Variants in ADARB1 observed in about 807,000 individuals in gnomAD.
ADARB1 encodes double-stranded RNA-specific editase 1.
A neutral mutation model predicts 52.4 loss-of-function variants in ADARB1; 10 were observed. The ratio of observed to expected loss-of-function variants is 0.19; its 90% CI spans 0.12 to 0.32. The LOEUF (loss-of-function observed/expected upper bound fraction) is 0.32. Among genes scored for constraint, ADARB1 ranks in the 10% least tolerant of loss-of-function variants. ADARB1 has a pLI of 1.00. For missense variants in ADARB1, 643 were observed against 922.3 expected, an observed-to-expected ratio of 0.70 and a Z score of 3.92; for synonymous variants, 349 against 371.1, an observed-to-expected ratio of 0.94 and a Z score of 0.68.
chr21:45,220,936 T>G lies in ADARB1; in HGVS notation c.1848T>G (p.Thr616=). ...DSAIEVINAT[T]GKDELGRASR... ...CTATTGAGGTCATCAACGCCACGAC[T>G]GGGAAGGATGAGCTGGGCCGCGCGT... Residue 616 remains threonine, a synonymous_variant, in exon 10 of 11, where the codon ACT becomes ACG. Coordinates refer to ENST00000348831, the MANE Select transcript of ADARB1 (RefSeq NM_001112.4). This position sits in a 1 kb window ranked among gnomAD's most constrained non-coding sequence, Gnocchi z 6.3. 6.2e-7 allele frequency: 1 copy of G among 1,613,422 alleles called. No homozygotes were observed. The highest frequency in any genetic ancestry group is 8.5e-7 in the Non-Finnish European group (1 of 1,180,024).
At chr21:45,106,831 C>T (rs1211917070) in intron 1 of ADARB1, among the ~76,000 whole-genome samples, 2 of 152,052 alleles carry the variant, frequency 1.3e-5, no homozygotes, top group African/African-American at 2.4e-5. Context: ...GAGTTGAGTG[C>T]GTCAGAGCAG....
intron 8 of ADARB1, among the ~76,000 whole-genome samples, chr21:45,196,109 T>C (rs755808869): frequency 2.0e-5 from 3 of 152,214 alleles, no homozygotes; most frequent in Non-Finnish European, 4.4e-5. Flanking sequence ...GTACATACTT[T>C]GTCAAATTTA....
intron 1 of ADARB1, among the ~76,000 whole-genome samples, chr21:45,109,282 GCGCTTGTGCA>G (rs2087418623): frequency 1.3e-5 from 2 of 151,938 alleles, no homozygotes; most frequent in South Asian, 2.1e-4. Flanking sequence ...GCGCGTGTGC[GCGCTTGTGCA>G]TATATGTGTG....
At chr21:45,203,839 A>G (rs559879530) in intron 8 of ADARB1, among the ~76,000 whole-genome samples, 3 of 152,320 alleles carry the variant, frequency 2.0e-5, no homozygotes, top group African/African-American at 7.2e-5. Context: ...ATGTGTCTCA[A>G]GACCCCCAGT....
At chr21:45,163,996 T>C (rs2091118602) in intron 2 of ADARB1, among the ~76,000 whole-genome samples, 1 of 152,194 alleles carries the variant, frequency 6.6e-6, no homozygotes, top group Non-Finnish European at 1.5e-5. Flanking sequence ...TGAGAACTAG[T>C]GTACATTTGA....
chr21:45,163,458 A>G (rs866200079), intron 2 of ADARB1, among the ~76,000 whole-genome samples: 11 of 152,184 alleles, frequency 7.2e-5, no homozygotes, highest in Admixed American at 2.6e-4. Context: ...CTGGTGGGAA[A>G]AGCAGGGTGG....
chr21:45,143,519 A>G (rs889554485), intron 2 of ADARB1, among the ~76,000 whole-genome samples: 1 of 152,112 alleles, frequency 6.6e-6, no homozygotes, highest in African/African-American at 2.4e-5. Context: ...TTCCTTTTAA[A>G]ACTAGGTCAG....
In ADARB1 at chr21:45,112,451, T is replaced by A. The variant is rs1160277552; in HGVS notation, c.-219-15951T>A. Among the ~76,000 whole-genome samples the A allele has an allele frequency of 2.3e-4, 35 of 151,840 alleles. 1 individual carries two copies. Among genetic ancestry groups the A allele is most frequent in the Admixed American group, 2.2e-3 (34 of 15,218 alleles). On this transcript the variant is annotated intron_variant, in intron 1 of 10. Transcript: ENST00000348831. ...GGCTCCTCATAACCCTTCCCTCTTC[T>A]CTTCCCTGGACTTTCTGGGCTGGGG...
chr21:45,201,808 G>A (rs985175312), intron 8 of ADARB1, among the ~76,000 whole-genome samples: 2 of 151,898 alleles, frequency 1.3e-5, no homozygotes, highest in Non-Finnish European at 2.9e-5. Flanking sequence ...GCAGGGAAGG[G>A]AGACCTCAGG....
At chr21:45,195,650 CTG>C (rs1174345619) in intron 8 of ADARB1, among the ~76,000 whole-genome samples, 1 of 151,132 alleles carries the variant, frequency 6.6e-6, no homozygotes, top group Non-Finnish European at 1.5e-5. Context: ...GGTTCTAGCA[CTG>C]TTTGTAGAAA....
chr21:45,172,730 G>A lies in ADARB1; in HGVS notation c.28+1046G>A, dbSNP rs932053148. Among the ~76,000 whole-genome samples the A allele has an allele frequency of 1.3e-5, 2 of 152,122 alleles. No individual in the cohort carries two copies. Among genetic ancestry groups the A allele is most frequent in the African/African-American group, 2.4e-5 (1 of 41,402 alleles). ...TGAAGTCAGCCATCTGGGGTGTGAG[G>A]GTGAGACCACCTCCTGCAGTGCTAC... On this transcript the variant is annotated intron_variant, in intron 3 of 10. Transcript: ENST00000348831. This position sits in a 1 kb window ranked among gnomAD's most constrained non-coding sequence, Gnocchi z 4.4.
chr21:45,221,625 A>C lies in ADARB1; in HGVS notation c.1927-393A>C, dbSNP rs543789457. ...ACCCAGGCCAGCTGCCACAAGTCCA[A>C]GGTCCACACAGAAGGAGTTACTGGC... is the stretch of plus-strand genomic sequence containing the variant. On this transcript the variant is annotated intron_variant, in intron 10 of 10. Coordinates refer to ENST00000348831, the MANE Select transcript of ADARB1 (RefSeq NM_001112.4). This position sits in a 1 kb window ranked among gnomAD's most constrained non-coding sequence, Gnocchi z 4.9. Among the ~76,000 whole-genome samples, 1 of 152,246 alleles carries C rather than the reference A, an allele frequency of 6.6e-6. No individual in the cohort carries two copies. Among genetic ancestry groups the C allele is most frequent in the Non-Finnish European group, 1.5e-5 (1 of 68,040 alleles).
intron 2 of ADARB1, among the ~76,000 whole-genome samples, chr21:45,166,290 G>A (rs765823068): frequency 2.0e-5 from 3 of 152,184 alleles, no homozygotes; most frequent in African/African-American, 4.8e-5. Context: ...AGTACAAAAC[G>A]TATAACATTG....
chr21:45,188,808 A>G (rs1466469873), intron 8 of ADARB1, among the ~76,000 whole-genome samples: 1 of 151,956 alleles, frequency 6.6e-6, no homozygotes, highest in African/African-American at 2.4e-5. Flanking sequence ...ATTTTTTCTA[A>G]TGATAGGTGT....
chr21:45,191,118 G>C (rs1427242067), intron 8 of ADARB1, among the ~76,000 whole-genome samples: 1 of 152,124 alleles, frequency 6.6e-6, no homozygotes, highest in African/African-American at 2.4e-5. Context: ...TTCCTAGACT[G>C]CCATCTTGTT....
chr21:45,208,090 A>T lies in ADARB1; in HGVS notation c.1747+3354A>T, dbSNP rs1033101310. On this transcript the variant is annotated intron_variant, in intron 9 of 10. Coordinates refer to ENST00000348831, the MANE Select transcript of ADARB1 (RefSeq NM_001112.4). The surrounding 1 kb of genome is among the most constrained non-coding windows in gnomAD (Gnocchi z 5.6). ...CGAGCTTTCTCAGACTTTCTCTCAA[A>T]TGAGTTTCACATCCAGCACTTGCAA... 9.9e-5 allele frequency among the ~76,000 whole-genome samples: 15 copies of T among 152,214 alleles called. No homozygotes were observed. Among genetic ancestry groups the T allele is most frequent in the African/African-American group, 3.6e-4 (15 of 41,440 alleles).
At chr21:45,117,500 C>T (rs936597809) in intron 1 of ADARB1, among the ~76,000 whole-genome samples, 3 of 152,070 alleles carry the variant, frequency 2.0e-5, no homozygotes, top group Non-Finnish European at 4.4e-5. Context: ...TGTCCCGTCA[C>T]ATCCTGCATG....
chr21:45,124,685 C>A (rs1343958511), intron 1 of ADARB1, among the ~76,000 whole-genome samples: 1 of 151,414 alleles, frequency 6.6e-6, no homozygotes, highest in East Asian at 2.0e-4. Context: ...GCTTCTAATT[C>A]TTTAATGTTT....
chr21:45,103,105 A>G (rs1055545295), intron 1 of ADARB1, among the ~76,000 whole-genome samples: 1 of 152,212 alleles, frequency 6.6e-6, no homozygotes, highest in Non-Finnish European at 1.5e-5. Context: ...TCAAAAACCA[A>G]GAAGAGTCTG....
Sources: gnomAD v4.1 joint callset for allele counts (sites outside exome capture counted in the v4.1 genomes callset) on GRCh38, gnomAD v4.1.1 for gene constraint, Gnocchi (gnomAD v3.1) non-coding constraint, MANE v1.5 for transcripts, NCBI Gene and HGNC (gene_info 2026-07-23, HGNC 2026-07-21) for gene names.